The following ARFGEF1 variants were observed in gnomAD, a reference collection of about 807,000 sequenced individuals.
ARFGEF1 encodes the protein ARF guanine nucleotide exchange factor 1.
In ARFGEF1, 42 loss-of-function variants were observed where a neutral mutation model predicts 231.0. The ratio of observed to expected loss-of-function variants is 0.18; its 90% CI spans 0.14 to 0.24. The LOEUF (loss-of-function observed/expected upper bound fraction) is 0.24, where lower values mean the gene tolerates loss of function less well. ARFGEF1 is among the 10% of genes least tolerant of loss of function. The probability of loss-of-function intolerance (pLI) is 1.00; values close to 1 mark genes in which losing one functional copy is unlikely to be tolerated. For synonymous variants in ARFGEF1, 710 were observed against 732.3 expected, an observed-to-expected ratio of 0.97 and a Z score of 0.49; for missense variants, 1,345 against 2,192.0, an observed-to-expected ratio of 0.61 and a Z score of 7.72.
intron 23 of ARFGEF1, among the ~76,000 whole-genome samples, chr8:67,229,891 G>C (rs1839499900): frequency 6.6e-6 from 1 of 151,988 alleles, no homozygotes; most frequent in East Asian, 1.9e-4. Flanking sequence ...AACAGTAGAG[G>C]GGTAAAGAAA....
intron 22 of ARFGEF1, among the ~76,000 whole-genome samples, chr8:67,233,798 T>C (rs1839629513): frequency 6.6e-6 from 1 of 152,088 alleles, no homozygotes; most frequent in African/African-American, 2.4e-5. Flanking sequence ...AGCACTTCCC[T>C]TCAACAGTCT....
intron 1 of ARFGEF1, among the ~76,000 whole-genome samples, chr8:67,340,379 G>GACTA (rs1808572164): frequency 6.6e-6 from 1 of 152,120 alleles, no homozygotes; most frequent in Non-Finnish European, 1.5e-5. Flanking sequence ...GAACCGAGAG[G>GACTA]ACTAAATCAG....
intron 1 of ARFGEF1, among the ~76,000 whole-genome samples, chr8:67,328,092 T>C (rs947170538): frequency 6.6e-6 from 1 of 152,182 alleles, no homozygotes; most frequent in Non-Finnish European, 1.5e-5. Context: ...GGGAAAAAGA[T>C]GACAGAGAGG....
intron 33 of ARFGEF1, among the ~76,000 whole-genome samples, chr8:67,215,001 A>C (rs1348208225): frequency 5.3e-5 from 8 of 152,146 alleles, no homozygotes; most frequent in Non-Finnish European, 5.9e-5. Context: ...AACTCAACGG[A>C]ATTGTCCCTG....
chr8:67,219,731 T>C (rs2128867022), intron 29 of ARFGEF1, among the ~76,000 whole-genome samples, 171 bp from the exon 30 acceptor site: 2 of 152,256 alleles, frequency 1.3e-5, no homozygotes, highest in South Asian at 4.1e-4. Context: ...ACAGGTTCCT[T>C]TAGGATACAT....
chr8:67,293,303 G>A (rs1806088493), intron 5 of ARFGEF1, among the ~76,000 whole-genome samples: 1 of 152,072 alleles, frequency 6.6e-6, no homozygotes. Flanking sequence ...GATCTTCAAA[G>A]GTAATAGTCA....
In ARFGEF1 at chr8:67,306,507, A is replaced by T. The variant is rs1291112410; in HGVS notation, c.125-4041T>A. Among the ~76,000 whole-genome samples the T allele has an allele frequency of 7.2e-5, 11 of 152,198 alleles. No individual in the cohort carries two copies. The East Asian group carries it at 2.1e-3, about 29-fold the overall frequency. On this transcript the variant is annotated intron_variant, in intron 1 of 38. Coordinates refer to ENST00000262215, the MANE Select transcript of ARFGEF1 (RefSeq NM_006421.5). ...TTATACCTGATCTCCTAAGTATATT[A>T]AACATCTCCCCTCATAATATTATTT...
chr8:67,309,380 T>C (rs189780654), intron 1 of ARFGEF1, among the ~76,000 whole-genome samples: 2 of 152,348 alleles, frequency 1.3e-5, no homozygotes, highest in East Asian at 3.9e-4. Context: ...CTTCTTTGCA[T>C]TCCTAGCATC....
At chr8:67,219,348 T>C in intron 30 of ARFGEF1, 83 bp downstream of exon 30, 1 of 1,458,328 alleles carries the variant, frequency 6.9e-7, no homozygotes, top group Non-Finnish European at 9.1e-7. Context: ...CTGTACTTAA[T>C]TTGAAACACT....
intron 1 of ARFGEF1, among the ~76,000 whole-genome samples, chr8:67,317,119 C>T (rs1383268495): frequency 6.6e-6 from 1 of 152,140 alleles, no homozygotes; most frequent in East Asian, 1.9e-4. Flanking sequence ...GAGGGTAAAG[C>T]ATTCTGACGA....
chr8:67,330,734 T>C (rs868823903), intron 1 of ARFGEF1, among the ~76,000 whole-genome samples: 2 of 152,308 alleles, frequency 1.3e-5, no homozygotes, highest in Middle Eastern at 3.4e-3. Context: ...GTTCCATTCT[T>C]ATTTCTAAAG....
intron 1 of ARFGEF1, among the ~76,000 whole-genome samples, chr8:67,342,709 T>C (rs1808699154): frequency 6.6e-6 from 1 of 152,138 alleles, no homozygotes; most frequent in South Asian, 2.1e-4. Context: ...CTCCCCAAAG[T>C]ACCTCGCCAA....
chr8:67,253,043 T>C (rs1587139372), intron 18 of ARFGEF1, among the ~76,000 whole-genome samples: 1 of 152,342 alleles, frequency 6.6e-6, no homozygotes, highest in East Asian at 1.9e-4. Flanking sequence ...ATATATTAAA[T>C]GCACACTGAC....
Position 67,216,618 on chromosome 8 carries a change from G to T in ARFGEF1, c.4658C>A (p.Pro1553His). 6.2e-7 allele frequency: 1 copy of T among 1,605,440 alleles called. No individual in the cohort carries two copies. The highest frequency in any genetic ancestry group is 8.5e-7 in the Non-Finnish European group (1 of 1,177,574). ...TGGCTTTTCACTTACAGGAGATGGA[G>T]GTGGGGGGGCAGTTTCTCCAGAATT... ...RPNSGETAPP[P>H]PSPVSEKPLD... is the part of the protein sequence containing the mutation. Residue 1553 changes from proline (P) to histidine (H), a missense_variant, in exon 33 of 39, where the codon CCT becomes CAT. Pro to His is a moderately conservative substitution (Grantham distance 77). This residue lies in a region of ARFGEF1 where 89 missense variants were observed against 74.8 expected (regional missense o/e 1.19). Coordinates refer to ENST00000262215, the MANE Select transcript of ARFGEF1 (RefSeq NM_006421.5).
At chr8:67,282,940 T>C (rs1805598458) in intron 7 of ARFGEF1, among the ~76,000 whole-genome samples, 1 of 150,728 alleles carries the variant, frequency 6.6e-6, no homozygotes, top group Non-Finnish European at 1.5e-5. Flanking sequence ...TACAATACAC[T>C]GAACAAGGAA....
rs1836028091 is a variant in ARFGEF1 at position 67,190,836 on chromosome 8, G to A, written c.560+9560C>T. ...GGGTTCTGACCTGTGCTAAATCTGT[G>A]TGGCCCAATAAAGAGCACTTGCTTG... On this transcript the variant is annotated intron_variant, in intron 5 of 5. Transcript: ENST00000518789. 2.9e-6 allele frequency: 3 copies of A among 1,046,204 alleles called. No individual in the cohort carries two copies. The Admixed American group carries it at 5.5e-5, about 19-fold the overall frequency. 64.8% of individuals were successfully genotyped at this position (1,046,204 alleles called of 1,614,324 possible).
chr8:67,210,087 G>A (rs113161613), intron 34 of ARFGEF1, among the ~76,000 whole-genome samples: 3,760 of 150,134 alleles, frequency 0.025, 106 homozygotes, highest in African/African-American at 0.069. Context: ...CCCGGGAGGT[G>A]GAGCTTGCCG....
At position 67,257,796 on chromosome 8, in the gene ARFGEF1, G is replaced by A. The variant is rs773423820; in HGVS notation, c.2462C>T (p.Ala821Val). 6.2e-7 allele frequency: 1 copy of A among 1,609,890 alleles called. No homozygotes were observed. The highest frequency in any genetic ancestry group is 8.5e-7 in the Non-Finnish European group (1 of 1,178,722). The part of the protein sequence containing the change: ...CNQGQTLFAS[A>V]DTAYVLAYSI... ...ATAAGCCAAAACATAAGCTGTATCC[G>A]CACTAGCAAAGAGAGTTTGTCTGGA... Residue 821 changes from alanine (A) to valine (V), a missense_variant, in exon 17 of 39, where the codon GCG (alanine) becomes GTG (valine). Physicochemically the swap from Ala to Val is moderately conservative, Grantham distance 64. Coordinates refer to ENST00000262215, the MANE Select transcript of ARFGEF1 (RefSeq NM_006421.5).
At chr8:67,214,186 C>CA (rs1838845742) in intron 33 of ARFGEF1, among the ~76,000 whole-genome samples, 1 of 152,102 alleles carries the variant, frequency 6.6e-6, no homozygotes, top group African/African-American at 2.4e-5. Context: ...CATGTATGGC[C>CA]ATGAAACAGA....
Sources: gnomAD v4.1 joint callset for allele counts (sites outside exome capture counted in the v4.1 genomes callset) on GRCh38, gnomAD v4.1.1 for gene constraint, gnomAD v4.1.1 regional missense constraint, MANE v1.5 for transcripts, NCBI Gene and HGNC (gene_info 2026-07-23, HGNC 2026-07-21) for gene names.